The following YY1 variants were observed in gnomAD, a reference collection of about 807,000 sequenced individuals.
YY1 encodes the protein YY1 transcription factor.
In YY1, 2 loss-of-function variants were observed where a neutral mutation model predicts 35.6. That is an observed-to-expected ratio of 0.06 (90% CI 0.02 to 0.18). YY1 has a LOEUF of 0.18. Ranked by LOEUF, YY1 falls within the 10% of genes least tolerant of loss-of-function variation. YY1 has a pLI of 1.00. For synonymous variants in YY1, 268 were observed against 238.9 expected, an observed-to-expected ratio of 1.12 and a Z score of -1.12; for missense variants, 322 against 573.4, an observed-to-expected ratio of 0.56 and a Z score of 4.48.
At chr14:100,258,517 G>A (rs1209032381) in intron 1 of YY1, among the ~76,000 whole-genome samples, 2 of 152,120 alleles carry the variant, frequency 1.3e-5, no homozygotes, top group Non-Finnish European at 2.9e-5. Flanking sequence ...AAATCTTAGG[G>A]GTAGACTTCA....
In YY1 at chr14:100,276,870, G is replaced by A. The variant is rs1891327256; in HGVS notation, c.1062+222G>A. On this transcript the variant is annotated intron_variant, in intron 4 of 4. Transcript: ENST00000262238. This position sits in a 1 kb window ranked among gnomAD's most constrained non-coding sequence, Gnocchi z 4.1. ...GGTACTGGGTACGCAATGTATTGGT[G>A]TTGATGGAGTACACTTTATGGCAGG... 1.7e-6 allele frequency: 1 copy of A among 597,642 alleles called. No homozygotes were observed. Among genetic ancestry groups the A allele is most frequent in the African/African-American group, 1.9e-5 (1 of 53,926 alleles). The allele number at this position is 597,642 out of a possible 1,614,324, so 37.0% of individuals were successfully genotyped here.
At position 100,280,321 on chromosome 14, in the gene YY1, G is replaced by C; in HGVS notation, c.*2721G>C. On this transcript the variant is annotated 3_prime_UTR_variant, in exon 5 of 5. Transcript: ENST00000262238. ...AAGTAATACTGATAGACATATTTTC[G>C]TACATCTGAGCAGAAATAAATGCAT... 6.6e-6 allele frequency: 1 copy of C among 152,222 alleles called. No individual in the cohort carries two copies. Among genetic ancestry groups the C allele is most frequent in the Middle Eastern group, 3.4e-3 (1 of 294 alleles). The allele number at this position is 152,222 out of a possible 1,614,324, so 9.4% of individuals were successfully genotyped here. A position where few individuals can be genotyped will look rare whatever the true frequency, so the allele number is the denominator to read the frequency against.
intron 1 of YY1, among the ~76,000 whole-genome samples, chr14:100,245,097 C>T (rs961976099): frequency 2.6e-5 from 4 of 151,964 alleles, no homozygotes; most frequent in South Asian, 2.1e-4. Context: ...CTGCCACACC[C>T]GGCTAATTTT....
At chr14:100,267,245 C>A (rs868342871) in intron 2 of YY1, among the ~76,000 whole-genome samples, 4 of 152,096 alleles carry the variant, frequency 2.6e-5, no homozygotes, top group African/African-American at 9.7e-5. Context: ...CTTCTTTGAC[C>A]TGACTCTGGG....
intron 1 of YY1, among the ~76,000 whole-genome samples, chr14:100,257,156 A>T (rs1891017008): frequency 6.6e-6 from 1 of 152,088 alleles, no homozygotes; most frequent in South Asian, 2.1e-4. Flanking sequence ...TCTCCTTTGC[A>T]AAGTATTCCT....
chr14:100,270,776 T>G (rs1161907667), intron 2 of YY1, among the ~76,000 whole-genome samples: 2 of 152,168 alleles, frequency 1.3e-5, no homozygotes, highest in Non-Finnish European at 2.9e-5. Context: ...ATCTTCACAC[T>G]CAACACAGAA....
intron 1 of YY1, among the ~76,000 whole-genome samples, chr14:100,252,789 G>A (rs1021020319): frequency 7.2e-5 from 11 of 152,168 alleles, no homozygotes; most frequent in African/African-American, 2.7e-4. Context: ...TCTAACCCCA[G>A]GGATTTGGGA....
At position 100,274,778 on chromosome 14, in the gene YY1, G is replaced by C; in HGVS notation, c.903+20G>C. 2 of 1,608,438 alleles carry C rather than the reference G, an allele frequency of 1.2e-6. No homozygotes were observed. Among genetic ancestry groups the C allele is most frequent in the Non-Finnish European group, 8.5e-7 (1 of 1,174,904 alleles). ...CATAAAGTAAGTAATGCTAGAGGGA[G>C]AGTGTTCATTAAACTGTTGATGAAG... is the stretch of plus-strand genomic sequence containing the variant. On this transcript the variant is annotated intron_variant, in intron 3 of 4. Coordinates refer to ENST00000262238, the MANE Select transcript of YY1 (RefSeq NM_003403.5).
At chr14:100,240,670 C>T (rs1306230275) in intron 1 of YY1, among the ~76,000 whole-genome samples, 1 of 152,230 alleles carries the variant, frequency 6.6e-6, no homozygotes, top group Non-Finnish European at 1.5e-5. Context: ...GGGCTCCGAG[C>T]GTCAGTCGGA....
chr14:100,265,743 G>A (rs1332618419), intron 2 of YY1, among the ~76,000 whole-genome samples: 2 of 148,150 alleles, frequency 1.3e-5, no homozygotes, highest in African/African-American at 5.0e-5. Context: ...TCTTCCACCC[G>A]GGTTCAAGTG....
At position 100,246,193 on chromosome 14, in the gene YY1, G is replaced by A. The variant is rs114472665; in HGVS notation, c.679+6270G>A. ...GCATGTCCATGGTCACCCCCACCCC[G>A]TTTCCATTTCCATACATGGGTTTTG... On this transcript the variant is annotated intron_variant, in intron 1 of 4. Transcript: ENST00000262238. 3.0e-3 allele frequency among the ~76,000 whole-genome samples: 453 copies of A among 152,242 alleles called. 4 individuals carry two copies. Among genetic ancestry groups the A allele is most frequent in the African/African-American group, 9.9e-3 (413 of 41,548 alleles).
chr14:100,272,892 GT>G (rs1481683575), intron 2 of YY1, among the ~76,000 whole-genome samples: 1 of 150,124 alleles, frequency 6.7e-6, no homozygotes, highest in Non-Finnish European at 1.5e-5. Context: ...GACATACCGC[GT>G]TTGATTTTCC....
intron 1 of YY1, among the ~76,000 whole-genome samples, chr14:100,244,889 A>G (rs1022802521): frequency 6.6e-6 from 1 of 150,636 alleles, no homozygotes; most frequent in African/African-American, 2.4e-5. Flanking sequence ...TTTAATTGTC[A>G]TACACATGTT....
At chr14:100,247,023 C>A (rs1186491831) in intron 1 of YY1, among the ~76,000 whole-genome samples, 1 of 152,162 alleles carries the variant, frequency 6.6e-6, no homozygotes, top group African/African-American at 2.4e-5. Context: ...ACTGACTCCC[C>A]CTAGTGGGAA....
chr14:100,273,799 C>T (rs1271514637), intron 2 of YY1, among the ~76,000 whole-genome samples: 1 of 152,120 alleles, frequency 6.6e-6, no homozygotes, highest in East Asian at 1.9e-4. Context: ...TTCTCACCCC[C>T]CTACCACACA....
At chr14:100,257,941 C>T (rs958736977) in intron 1 of YY1, among the ~76,000 whole-genome samples, 1 of 152,022 alleles carries the variant, frequency 6.6e-6, no homozygotes, top group African/African-American at 2.4e-5. Flanking sequence ...TCGAAACCAG[C>T]CTAGGTAACA....
intron 2 of YY1, among the ~76,000 whole-genome samples, chr14:100,272,048 T>C (rs1891246207): frequency 6.6e-6 from 1 of 151,986 alleles, no homozygotes; most frequent in African/African-American, 2.4e-5. Flanking sequence ...GGACACTGAA[T>C]TGAAAATGTT....
intron 2 of YY1, 38 bp from the exon 3 acceptor site, chr14:100,274,660 C>G: frequency 6.3e-7 from 1 of 1,585,452 alleles, no homozygotes; most frequent in Non-Finnish European, 8.7e-7. Context: ...TCTACCCACT[C>G]CTACAAATCT....
chr14:100,247,116 T>A (rs973747283), intron 1 of YY1, among the ~76,000 whole-genome samples: 49 of 152,168 alleles, frequency 3.2e-4, no homozygotes, highest in African/African-American at 1.1e-3. Flanking sequence ...AGAGGGTAAA[T>A]TTTTTAAAAC....
Sources: allele counts gnomAD v4.1 joint callset (sites outside exome capture counted in the v4.1 genomes callset), GRCh38; gene constraint gnomAD v4.1.1; non-coding constraint Gnocchi (gnomAD v3.1); transcripts MANE v1.5; gene names NCBI Gene and HGNC (gene_info 2026-07-23, HGNC 2026-07-21).